Variants in CTNNA2 observed in about 807,000 individuals in gnomAD.
The protein encoded by CTNNA2 is catenin alpha 2.
In CTNNA2, 42 loss-of-function variants were observed where a neutral mutation model predicts 101.0. The ratio of observed to expected loss-of-function variants is 0.42; its 90% CI spans 0.32 to 0.54. The LOEUF (loss-of-function observed/expected upper bound fraction) is 0.54, where lower values mean the gene tolerates loss of function less well. Among genes scored for constraint, CTNNA2 ranks in the 20% least tolerant of loss-of-function variants. CTNNA2 has a pLI of 0.14. For synonymous variants in CTNNA2, 450 were observed against 456.4 expected (o/e 0.99, Z 0.18); for missense variants, 871 against 1,223.1 (o/e 0.71, Z 4.29).
chr2:79,852,062 T>C (rs780621473), intron 3 of CTNNA2, among the ~76,000 whole-genome samples: 7 of 152,186 alleles, frequency 4.6e-5, no homozygotes, highest in Non-Finnish European at 8.8e-5. Flanking sequence ...CTAAGAATTC[T>C]GTAATACAGG....
chr2:79,796,310 C>T (rs1368492099), intron 3 of CTNNA2, among the ~76,000 whole-genome samples: 1 of 150,796 alleles, frequency 6.6e-6, no homozygotes, highest in Non-Finnish European at 1.5e-5. Context: ...ATGGCGTGAA[C>T]CCGGGAGGCG....
chr2:79,883,580 G>T lies in CTNNA2; in HGVS notation c.852+9238G>T, dbSNP rs574690582. Among the ~76,000 whole-genome samples the T allele has an allele frequency of 8.7e-4, 133 of 152,198 alleles. 1 individual carries two copies. Among genetic ancestry groups the T allele is most frequent in the African/African-American group, 3.2e-3 (133 of 41,566 alleles). On this transcript the variant is annotated intron_variant, in intron 6 of 18. Transcript: ENST00000402739. ...ACTATCTACAAAGGAATATTCAAAA[G>T]ATTTAAGAAAAATATAGTGACTGCT...
chr2:80,545,069 C>T lies in CTNNA2; in HGVS notation c.1378C>T (p.Pro460Ser). The change falls in exon 10 of 19, where the codon CCC (proline) becomes TCC (serine). Residue 460 changes from proline (P) to serine (S), a missense_variant. Around this residue, in one of 5 missense-constraint regions of CTNNA2, gnomAD observed 647 missense variants for 831.5 expected, o/e 0.78. Transcript: ENST00000402739. The part of the protein sequence containing the change: ...MAATQIDSLC[P>S]QVINAALTLA... ...AGCCACCCAGATTGACAGCCTGTGT[C>T]CCCAGGTAAGCCTCATTCACTTTGT... 1.2e-6 allele frequency: 2 copies of T among 1,613,778 alleles called. No individual in the cohort carries two copies. Among genetic ancestry groups the T allele is most frequent in the Non-Finnish European group, 1.7e-6 (2 of 1,179,808 alleles).
chr2:79,220,775 G>A (rs1194158337), intron 2 of CTNNA2, among the ~76,000 whole-genome samples: 2 of 152,130 alleles, frequency 1.3e-5, no homozygotes, highest in Non-Finnish European at 1.5e-5. Flanking sequence ...CATGACCTTA[G>A]CCAAATTTTT....
At chr2:80,542,281 T>G (rs1399073969) in intron 9 of CTNNA2, among the ~76,000 whole-genome samples, 1 of 152,134 alleles carries the variant, frequency 6.6e-6, no homozygotes, top group Non-Finnish European at 1.5e-5. Flanking sequence ...TTGTTTTTTC[T>G]ATTCAGGACA....
At chr2:79,371,992 T>C (rs1467101881) in intron 3 of CTNNA2, among the ~76,000 whole-genome samples, 2 of 152,174 alleles carry the variant, frequency 1.3e-5, no homozygotes, top group African/African-American at 4.8e-5. Context: ...AAAGAGTTGA[T>C]GGCTTCTGAA....
At chr2:80,447,847 T>A (rs867473991) in intron 9 of CTNNA2, among the ~76,000 whole-genome samples, 10 of 152,186 alleles carry the variant, frequency 6.6e-5, no homozygotes, top group East Asian at 5.8e-4. Context: ...TATTTAGGGA[T>A]GAAGATGAGG....
chr2:80,514,685 G>A (rs1688968990), intron 9 of CTNNA2, among the ~76,000 whole-genome samples: 1 of 152,072 alleles, frequency 6.6e-6, no homozygotes, highest in Admixed American at 6.5e-5. Context: ...CTTCTCCAAA[G>A]TTAAGCCATC....
chr2:79,334,528 C>T (rs1047574009), intron 3 of CTNNA2, among the ~76,000 whole-genome samples: 12 of 151,276 alleles, frequency 7.9e-5, no homozygotes, highest in African/African-American at 2.9e-4. Flanking sequence ...TAAGGCTATA[C>T]AAAAATTACA....
At chr2:79,664,602 T>C (rs1682263919) in intron 2 of CTNNA2, among the ~76,000 whole-genome samples, 1 of 152,148 alleles carries the variant, frequency 6.6e-6, no homozygotes, top group Non-Finnish European at 1.5e-5. Flanking sequence ...TTACATTCTA[T>C]GCAATATTTG....
intron 6 of CTNNA2, among the ~76,000 whole-genome samples, chr2:79,886,996 T>C (rs1323137427): frequency 1.3e-5 from 2 of 151,804 alleles, no homozygotes; most frequent in East Asian, 4.0e-4. Context: ...TTGGTATTTT[T>C]AGTAGACACA....
intron 3 of CTNNA2, among the ~76,000 whole-genome samples, chr2:79,813,104 C>T (rs573866770): frequency 6.6e-6 from 1 of 152,218 alleles, no homozygotes; most frequent in Non-Finnish European, 1.5e-5. Context: ...ACTTTCAGTG[C>T]TAAAAGTAGG....
rs568968867 is a variant in CTNNA2, at chr2:80,610,814, T to C, written c.2430+2496T>C. Reference sequence around the variant, plus strand: ...TACAAACTGAGAAAGGCCTCTTGTCTTGTGTCTGCTTTTGGCTTGAGAGGT... The same window carrying C: ...TACAAACTGAGAAAGGCCTCTTGTCCTGTGTCTGCTTTTGGCTTGAGAGGT... On this transcript the variant is annotated intron_variant, in intron 17 of 18. Transcript: ENST00000402739. Among the ~76,000 whole-genome samples, 3 of 151,808 alleles carry C rather than the reference T, an allele frequency of 2.0e-5. No individual in the cohort carries two copies. In the South Asian group the frequency reaches 6.2e-4, roughly 32 times the overall value.
intron 4 of CTNNA2, among the ~76,000 whole-genome samples, chr2:79,491,256 G>A (rs79852552): frequency 6.6e-6 from 1 of 152,014 alleles, no homozygotes; most frequent in African/African-American, 2.4e-5. Flanking sequence ...ATCACAAAAT[G>A]ACTAAAAAAG....
At chr2:79,383,618 AC>A (rs1678063783) in intron 4 of CTNNA2, among the ~76,000 whole-genome samples, 1 of 151,952 alleles carries the variant, frequency 6.6e-6, no homozygotes, top group South Asian at 2.1e-4. Flanking sequence ...ATGTTAAAAA[AC>A]CCATTCTCGA....
chr2:79,667,704 A>G lies in CTNNA2; in HGVS notation c.102+16046A>G, dbSNP rs575561396. ...AAATGAATTATATCTTTGTATGCTA[A>G]TAGCAGGTTCTTTTATTACTAGCTA... On this transcript the variant is annotated intron_variant, in intron 2 of 18. Transcript: ENST00000402739. 1.6e-4 allele frequency among the ~76,000 whole-genome samples: 24 copies of G among 152,356 alleles called. No homozygotes were observed. In the South Asian group the frequency reaches 4.8e-3, roughly 30 times the overall value.
At chr2:79,624,120 A>T (rs548249481) in intron 1 of CTNNA2, among the ~76,000 whole-genome samples, 1 of 151,798 alleles carries the variant, frequency 6.6e-6, no homozygotes, top group Non-Finnish European at 1.5e-5. Context: ...TTTCTTTTTC[A>T]TAGCAAATAT....
chr2:79,959,025 C>G (rs1440795256), intron 7 of CTNNA2, among the ~76,000 whole-genome samples: 1 of 151,724 alleles, frequency 6.6e-6, no homozygotes, highest in Non-Finnish European at 1.5e-5. Context: ...CATTTGTAAC[C>G]GTATCTTACT....
rs1326536252 is a variant in CTNNA2 at position 80,302,383 on chromosome 2, C to T, written c.1057-90828C>T. 6.2e-7 allele frequency: 1 copy of T among 1,614,264 alleles called. No individual in the cohort carries two copies. The highest frequency in any genetic ancestry group is 1.7e-5 in the Admixed American group (1 of 60,028). ...ATTCCTGGGCAGACATGGCAGCCAT[C>T]TGATGCATGGTCTGTTTCTGCTTTT... On this transcript the variant is annotated intron_variant, in intron 7 of 18. Coordinates refer to ENST00000402739, the MANE Select transcript of CTNNA2 (RefSeq NM_001282597.3). This position sits in a 1 kb window ranked among gnomAD's most constrained non-coding sequence, Gnocchi z 6.4.
Sources: allele counts gnomAD v4.1 joint callset (sites outside exome capture counted in the v4.1 genomes callset), GRCh38; gene constraint gnomAD v4.1.1; regional missense constraint gnomAD v4.1.1; non-coding constraint Gnocchi (gnomAD v3.1); transcripts MANE v1.5; gene names NCBI Gene and HGNC (gene_info 2026-07-23, HGNC 2026-07-21).